The following CDH18 variants were observed in gnomAD, a reference collection of about 807,000 sequenced individuals.
CDH18 encodes the protein cadherin 18.
Under a neutral mutation model 67.9 loss-of-function variants are expected in CDH18, and 31 were observed. That is an observed-to-expected ratio of 0.46 (90% CI 0.34 to 0.62). CDH18 has a LOEUF of 0.62. Among genes scored for constraint, CDH18 ranks in the 20% least tolerant of loss-of-function variants. The pLI is 0.01. For synonymous variants in CDH18, 362 were observed against 347.2 expected, an observed-to-expected ratio of 1.04 and a Z score of -0.48; for missense variants, 890 against 975.5, an observed-to-expected ratio of 0.91 and a Z score of 1.17.
chr5:19,726,655 A>G (rs999981705), intron 4 of CDH18, among the ~76,000 whole-genome samples: 1 of 152,218 alleles, frequency 6.6e-6, no homozygotes, highest in Non-Finnish European at 1.5e-5. Context: ...AAAGAAAAAT[A>G]TATTCGTATC....
chr5:19,775,223 C>A (rs560296138), intron 3 of CDH18, among the ~76,000 whole-genome samples: 9 of 152,290 alleles, frequency 5.9e-5, no homozygotes, highest in African/African-American at 2.2e-4. Context: ...TACTAGCTCG[C>A]TACCAACATT....
chr5:19,809,508 C>T (rs1778411863), intron 3 of CDH18, among the ~76,000 whole-genome samples: 1 of 136,886 alleles, frequency 7.3e-6, no homozygotes, highest in Non-Finnish European at 1.6e-5. Context: ...TGCACATGTA[C>T]CCTAAAACTT....
intron 3 of CDH18, among the ~76,000 whole-genome samples, chr5:19,801,555 AT>A (rs1777472097): frequency 6.6e-6 from 1 of 152,148 alleles, no homozygotes; most frequent in Non-Finnish European, 1.5e-5. Context: ...GGGCATAAGG[AT>A]TTTTTAAAAT....
intron 5 of CDH18, among the ~76,000 whole-genome samples, chr5:19,663,932 ATTGT>A (rs1276976437): frequency 1.3e-5 from 2 of 151,694 alleles, no homozygotes; most frequent in Admixed American, 1.3e-4. Flanking sequence ...AGTTTAGGAA[ATTGT>A]TAAGAGGAAA....
At chr5:20,415,227 A>G (rs887672955) in intron 1 of CDH18, among the ~76,000 whole-genome samples, 2 of 151,980 alleles carry the variant, frequency 1.3e-5, no homozygotes, top group African/African-American at 2.4e-5. Flanking sequence ...CTCTACTAAA[A>G]TACAAAAAAA....
At chr5:19,693,628 G>A (rs1420425702) in intron 5 of CDH18, among the ~76,000 whole-genome samples, 1 of 152,146 alleles carries the variant, frequency 6.6e-6, no homozygotes, top group Non-Finnish European at 1.5e-5. Flanking sequence ...CAAGCATGGT[G>A]GCTCATGCCT....
At chr5:20,172,481 T>C (rs1736911253) in intron 2 of CDH18, among the ~76,000 whole-genome samples, 2 of 151,276 alleles carry the variant, frequency 1.3e-5, no homozygotes. Context: ...TTCTAGAGAG[T>C]CCTGGGATCC....
chr5:20,154,726 T>A (rs1435983), intron 2 of CDH18, among the ~76,000 whole-genome samples: 72,062 of 151,928 alleles, frequency 0.47, 17,526 homozygotes, highest in Middle Eastern at 0.63. Context: ...CTTGTTAAAA[T>A]TCAGCAAAAC....
At chr5:20,417,092 T>C (rs1747375688) in intron 1 of CDH18, among the ~76,000 whole-genome samples, 2 of 152,274 alleles carry the variant, frequency 1.3e-5, no homozygotes, top group African/African-American at 4.8e-5. Flanking sequence ...ATGCAAGGTC[T>C]AAATTTATAG....
At position 20,351,191 on chromosome 5, in the gene CDH18, T is replaced by TGTGTGCGCGCGCGCGC. The variant is rs1420969028; in HGVS notation, c.-579-95687_-579-95686insGCGCGCGCGCGCACAC. Among the ~76,000 whole-genome samples the TGTGTGCGCGCGCGCGC allele has an allele frequency of 1.0e-3, 152 of 148,764 alleles. 3 individuals carry two copies. The highest frequency in any genetic ancestry group is 3.7e-3 in the African/African-American group (151 of 40,632). On this transcript the variant is annotated intron_variant, in intron 1 of 14. Transcript: ENST00000507958. ...GTGTGTGTGTGTGTGTGTGTGTGTG[T>TGTGTGCGCGCGCGCGC]GCGTGTGTGTTATTGCTTATTTTGT...
chr5:19,940,428 C>T (rs910008824), intron 2 of CDH18, among the ~76,000 whole-genome samples: 8 of 151,958 alleles, frequency 5.3e-5, no homozygotes, highest in Non-Finnish European at 8.8e-5. Flanking sequence ...CCAGCTCATT[C>T]TCCACACATC....
chr5:19,679,970 C>T (rs923698029), intron 5 of CDH18, among the ~76,000 whole-genome samples: 1 of 151,714 alleles, frequency 6.6e-6, no homozygotes, highest in Non-Finnish European at 1.5e-5. Flanking sequence ...CCAAAAAAGC[C>T]CAAATAACCA....
chr5:19,608,588 C>T (rs1177291475), intron 6 of CDH18, among the ~76,000 whole-genome samples: 1 of 151,506 alleles, frequency 6.6e-6, no homozygotes, highest in African/African-American at 2.4e-5. Flanking sequence ...ACCAGTTAAA[C>T]AATTGTGATG....
At chr5:20,368,988 T>G (rs1263613638) in intron 1 of CDH18, among the ~76,000 whole-genome samples, 1 of 152,206 alleles carries the variant, frequency 6.6e-6, no homozygotes, top group Non-Finnish European at 1.5e-5. Context: ...CTTTTTCTCA[T>G]TATGCTTGAC....
chr5:19,638,596 T>C (rs1753506502), intron 5 of CDH18, among the ~76,000 whole-genome samples: 2 of 151,664 alleles, frequency 1.3e-5, no homozygotes, highest in Admixed American at 1.3e-4. Flanking sequence ...AAACAGTTCC[T>C]GGATGAGCAT....
chr5:20,480,109 G>A (rs937039211), intron 1 of CDH18, among the ~76,000 whole-genome samples: 6 of 152,106 alleles, frequency 3.9e-5, no homozygotes, highest in East Asian at 1.9e-4. Context: ...TCATCAACAC[G>A]AGATCTGTGC....
intron 2 of CDH18, among the ~76,000 whole-genome samples, chr5:19,914,137 C>A (rs1791484073): frequency 6.6e-6 from 1 of 151,946 alleles, no homozygotes; most frequent in South Asian, 2.1e-4. Flanking sequence ...GAGATATAGT[C>A]AATGGGGGAA....
At chr5:19,767,672 T>C (rs1773265225) in intron 3 of CDH18, among the ~76,000 whole-genome samples, 1 of 152,004 alleles carries the variant, frequency 6.6e-6, no homozygotes, top group Non-Finnish European at 1.5e-5. Context: ...AACAATATTG[T>C]AGACATCTAC....
chr5:19,722,953 G>A (rs1013292130), intron 4 of CDH18, among the ~76,000 whole-genome samples: 19 of 152,062 alleles, frequency 1.2e-4, no homozygotes, highest in Admixed American at 6.6e-5. Flanking sequence ...TTCTAGGCCC[G>A]GGCATGGTGG....
Sources: allele counts gnomAD v4.1 joint callset (sites outside exome capture counted in the v4.1 genomes callset), GRCh38; gene constraint gnomAD v4.1.1; transcripts MANE v1.5; gene names NCBI Gene and HGNC (gene_info 2026-07-23, HGNC 2026-07-21).